The following EPS15 variants were observed in gnomAD, a reference collection of about 807,000 sequenced individuals.
EPS15 encodes epidermal growth factor receptor pathway substrate 15, also known as epidermal growth factor receptor substrate 15.
In EPS15, 72 loss-of-function variants were observed where a neutral mutation model predicts 113.8. That is an observed-to-expected ratio of 0.63 (90% CI 0.52 to 0.77). The LOEUF is 0.77. EPS15 is among the 30% of genes least tolerant of loss of function. The probability of loss-of-function intolerance (pLI) is 0.00; values close to 1 mark genes in which losing one functional copy is unlikely to be tolerated. For synonymous variants in EPS15, 344 were observed against 363.4 expected (o/e 0.95, Z 0.61); for missense variants, 1,048 against 1,045.8 (o/e 1.00, Z -0.03).
chr1:51,437,194 G>A (rs1465522819), intron 12 of EPS15, among the ~76,000 whole-genome samples: 3 of 152,030 alleles, frequency 2.0e-5, no homozygotes, highest in East Asian at 1.9e-4. Context: ...CAAAGACAAC[G>A]AAATCTCATT....
chr1:51,455,945 T>A (rs1475268), intron 8 of EPS15, among the ~76,000 whole-genome samples: 9,986 of 145,674 alleles, frequency 0.069, 389 homozygotes, highest in Middle Eastern at 0.12. Context: ...AATTTACTTT[T>A]AAAAAAAAAA....
intron 21 of EPS15, among the ~76,000 whole-genome samples, chr1:51,378,951 T>C (rs2148376495): frequency 6.6e-6 from 1 of 152,252 alleles, no homozygotes; most frequent in Admixed American, 6.5e-5. Context: ...TCCCCAACTT[T>C]GAGGGAAGAC....
chr1:51,411,379 A>G (rs1422988227), intron 13 of EPS15, among the ~76,000 whole-genome samples: 1 of 152,198 alleles, frequency 6.6e-6, no homozygotes, highest in African/African-American at 2.4e-5. Flanking sequence ...AAAGAAAGGC[A>G]AAAAGTGACC....
chr1:51,458,563 G>T, intron 8 of EPS15: 1 of 443,698 alleles, frequency 2.3e-6, no homozygotes, highest in Non-Finnish European at 4.5e-6. Context: ...ACGGCGAAAC[G>T]CTGTCTCTAC....
chr1:51,390,507 C>A (rs983627934), intron 21 of EPS15, among the ~76,000 whole-genome samples: 5 of 152,014 alleles, frequency 3.3e-5, no homozygotes, highest in Admixed American at 3.3e-4. Context: ...GCAAAAGAAA[C>A]TACCATCAGA....
chr1:51,515,916 C>T (rs1055545284), intron 1 of EPS15, among the ~76,000 whole-genome samples: 1 of 152,140 alleles, frequency 6.6e-6, no homozygotes, highest in Non-Finnish European at 1.5e-5. Flanking sequence ...AGTAAAATTC[C>T]TGGCATATAG....
At chr1:51,357,879 A>C (rs1038334218) in intron 24 of EPS15, among the ~76,000 whole-genome samples, 1 of 151,746 alleles carries the variant, frequency 6.6e-6, no homozygotes, top group East Asian at 1.9e-4. Flanking sequence ...AGCTGGAATT[A>C]CAAGCATGCA....
At chr1:51,364,360 C>T (rs986227140) in intron 22 of EPS15, among the ~76,000 whole-genome samples, 1 of 151,966 alleles carries the variant, frequency 6.6e-6, no homozygotes, top group Admixed American at 6.6e-5. Context: ...TATGCCTTTC[C>T]GCAAACGAAT....
chr1:51,518,744 C>T (rs1176684498), intron 1 of EPS15, among the ~76,000 whole-genome samples: 1 of 152,012 alleles, frequency 6.6e-6, no homozygotes, highest in Non-Finnish European at 1.5e-5. Flanking sequence ...CTGGGGGCGG[C>T]GCGCAGCCGG....
At chr1:51,432,280 A>G (rs1442370484) in intron 12 of EPS15, among the ~76,000 whole-genome samples, 1 of 151,998 alleles carries the variant, frequency 6.6e-6, no homozygotes, top group Admixed American at 6.6e-5. Flanking sequence ...CAGAACAGGT[A>G]CAAAGAAGCC....
chr1:51,403,556 A>G (rs767851040), intron 16 of EPS15, 24 bp from the exon 17 acceptor site: 1 of 1,314,956 alleles, frequency 7.6e-7, no homozygotes, highest in Non-Finnish European at 1.1e-6. Context: ...ATGCAAGTAG[A>G]TTAACAATAT....
intron 19 of EPS15, 54 bp downstream of exon 19, chr1:51,400,864 T>C: frequency 1.6e-6 from 2 of 1,241,038 alleles, no homozygotes; most frequent in African/African-American, 1.5e-5. Context: ...AACATAAGCT[T>C]ATTATTAAGC....
At chr1:51,408,392 G>T (rs537035349) in intron 14 of EPS15, 60 bp from the exon 15 acceptor site, 6 of 1,247,336 alleles carry the variant, frequency 4.8e-6, no homozygotes, top group African/African-American at 1.5e-5. Context: ...TCATTAAAAT[G>T]TTCCAAAATG....
At chr1:51,465,954 C>T (rs1654813295) in intron 5 of EPS15, among the ~76,000 whole-genome samples, 1 of 150,006 alleles carries the variant, frequency 6.7e-6, no homozygotes, top group South Asian at 2.1e-4. Flanking sequence ...GAGCTATGAT[C>T]GCAGCACTGT....
intron 11 of EPS15, among the ~76,000 whole-genome samples, chr1:51,441,199 T>A (rs1652572923): frequency 6.6e-6 from 1 of 152,072 alleles, no homozygotes; most frequent in Non-Finnish European, 1.5e-5. Flanking sequence ...TTAAATGAAA[T>A]AATGTGATGT....
intron 10 of EPS15, 129 bp from the exon 11 acceptor site, chr1:51,445,174 G>A: frequency 2.4e-6 from 2 of 825,650 alleles, no homozygotes; most frequent in South Asian, 1.8e-5. Context: ...CCAACTTGCA[G>A]GTTATTAAAA....
At chr1:51,482,261 T>A (rs900845098) in intron 1 of EPS15, among the ~76,000 whole-genome samples, 1 of 152,080 alleles carries the variant, frequency 6.6e-6, no homozygotes. Flanking sequence ...CAGGAAGGCT[T>A]CATGGGGTGA....
intron 1 of EPS15, among the ~76,000 whole-genome samples, chr1:51,489,286 C>CATATATATATATAT (rs71063034): frequency 1.4e-3 from 196 of 141,726 alleles, no homozygotes; most frequent in African/African-American, 4.2e-3. Flanking sequence ...CCTAGTATAC[C>CATATATATATATAT]ATATATATAT....
At position 51,444,923 on chromosome 1, in the gene EPS15, A is replaced by C. The variant is rs1413522858; in HGVS notation, c.920T>G (p.Met307Arg). 3.7e-6 allele frequency: 6 copies of C among 1,613,860 alleles called. No individual in the cohort carries two copies. The highest frequency in any genetic ancestry group is 4.2e-6 in the Non-Finnish European group (5 of 1,179,860). Residue 307 changes from methionine (M) to arginine (R), a missense_variant, in exon 11 of 25, where the codon ATG becomes AGG. By Grantham distance (91) the Met-to-Arg change is moderately conservative. Coordinates refer to ENST00000371733, the MANE Select transcript of EPS15 (RefSeq NM_001981.3). ...ACTGGCCCTGTCTGATGGTGGAATCATTTCAGGAGTAAGAACGTGAGGAGG... is the reference window on the plus strand; with the variant it reads ...ACTGGCCCTGTCTGATGGTGGAATCCTTTCAGGAGTAAGAACGTGAGGAGG... ...IDPPHVLTPE[M>R]IPPSDRASLQ...
Sources: allele counts gnomAD v4.1 joint callset (sites outside exome capture counted in the v4.1 genomes callset), GRCh38; gene constraint gnomAD v4.1.1; transcripts MANE v1.5; gene names NCBI Gene and HGNC (gene_info 2026-07-23, HGNC 2026-07-21).